C12orf54: variants seen among roughly 807,000 people sequenced by gnomAD.
C12orf54 encodes the protein chromosome 12 open reading frame 54, also known as uncharacterized protein C12orf54.
In C12orf54, 24 loss-of-function variants were observed where a neutral mutation model predicts 26.4. The observed-to-expected ratio is 0.91, with a 90% CI of 0.66 to 1.28. The LOEUF is 1.28. Ranked by LOEUF, C12orf54 falls within the 50% of genes most tolerant of loss-of-function variation. The probability of loss-of-function intolerance (pLI) is 0.00; values close to 1 mark genes in which losing one functional copy is unlikely to be tolerated. For synonymous variants in C12orf54, 54 were observed against 47.0 expected, an observed-to-expected ratio of 1.15 and a Z score of -0.61; for missense variants, 154 against 150.9, an observed-to-expected ratio of 1.02 and a Z score of -0.11.
intron 4 of C12orf54, 105 bp from the exon 5 acceptor site, chr12:48,488,819 C>T (rs1565571898): frequency 1.1e-6 from 1 of 928,180 alleles, no homozygotes; most frequent in Non-Finnish European, 1.7e-6. Flanking sequence ...CATTCTACAG[C>T]CTAGTGGCTA....
At chr12:48,418,808 T>TA in the C12orf54 span, among the ~76,000 whole-genome samples, 28 of 151,928 alleles carry the variant, frequency 1.8e-4, no homozygotes, top group Middle Eastern at 6.8e-3. Flanking sequence ...CACATGATGT[T>TA]AAAAAAAATT....
chr12:48,492,893 G>A, intron 6 of C12orf54, 54 bp from the exon 7 acceptor site: 1 of 1,509,784 alleles, frequency 6.6e-7, no homozygotes, highest in South Asian at 1.1e-5. Flanking sequence ...GGGCAGCTGG[G>A]GAGACATGTC....
the C12orf54 span, among the ~76,000 whole-genome samples, chr12:48,422,243 A>G: frequency 6.6e-6 from 1 of 152,226 alleles, no homozygotes; most frequent in Non-Finnish European, 1.5e-5. Context: ...TTGATGAATC[A>G]GGGAGCTGCT....
chr12:48,483,249 C>T lies in C12orf54; in HGVS notation c.-48C>T. The stretch of plus-strand genomic sequence containing the variant: ...ATTTATGCCTCTCCAGGGCCTGGAG[C>T]TATCTCCATCTTCAGCTCCAGAGTC... On this transcript the variant is annotated 5_prime_UTR_variant, in exon 2 of 9. Transcript: ENST00000548364. The T allele has an allele frequency of 6.4e-7, 1 of 1,553,652 alleles. No individual in the cohort carries two copies. Among genetic ancestry groups the T allele is most frequent in the African/African-American group, 1.4e-5 (1 of 73,806 alleles).
the C12orf54 span, among the ~76,000 whole-genome samples, chr12:48,450,827 A>T: frequency 6.6e-6 from 1 of 152,166 alleles, no homozygotes; most frequent in Non-Finnish European, 1.5e-5. Flanking sequence ...AAATTGAGGC[A>T]GTAATAAATA....
intron 2 of C12orf54, among the ~76,000 whole-genome samples, chr12:48,485,342 C>A (rs914068725): frequency 1.3e-5 from 2 of 152,114 alleles, no homozygotes; most frequent in Non-Finnish European, 2.9e-5. Context: ...GTTGCCCAAG[C>A]TGGTCTTGAA....
At chr12:48,471,007 T>C in the C12orf54 span, among the ~76,000 whole-genome samples, 1 of 152,118 alleles carries the variant, frequency 6.6e-6, no homozygotes, top group South Asian at 2.1e-4. Flanking sequence ...AAATGTACAA[T>C]TAAGTTATTT....
At chr12:48,489,836 C>G (rs1565572344) in intron 5 of C12orf54, among the ~76,000 whole-genome samples, 2 of 152,130 alleles carry the variant, frequency 1.3e-5, no homozygotes, top group East Asian at 3.9e-4. Flanking sequence ...ATTCTCCTGC[C>G]TCAGTCTCCT....
chr12:48,416,047 G>A, the C12orf54 span, among the ~76,000 whole-genome samples: 1 of 152,110 alleles, frequency 6.6e-6, no homozygotes, highest in East Asian at 1.9e-4. Context: ...GTAGCAGCAA[G>A]CCCTATAACT....
chr12:48,487,544 C>T (rs1472512393), intron 4 of C12orf54, among the ~76,000 whole-genome samples: 3 of 152,122 alleles, frequency 2.0e-5, no homozygotes, highest in Non-Finnish European at 4.4e-5. Context: ...CATGTTCTTA[C>T]AATTATTATA....
chr12:48,441,672 G>A, the C12orf54 span, among the ~76,000 whole-genome samples: 1 of 152,118 alleles, frequency 6.6e-6, no homozygotes, highest in African/African-American at 2.4e-5. Context: ...GAATGGTAGA[G>A]ATAAGCTGAG....
At chr12:48,472,595 C>T in the C12orf54 span, 928 of 1,571,018 alleles carry the variant, frequency 5.9e-4, 5 homozygotes, top group African/African-American at 8.1e-3. Context: ...TTCAAATGTG[C>T]GGTTGTGGGT....
the C12orf54 span, among the ~76,000 whole-genome samples, chr12:48,429,801 T>C: frequency 1.3e-4 from 20 of 151,876 alleles, 1 homozygote; most frequent in Admixed American, 1.3e-3. Flanking sequence ...TCTTCACAGA[T>C]TAGAAAAAAC....
At chr12:48,420,507 C>T in the C12orf54 span, among the ~76,000 whole-genome samples, 1 of 152,108 alleles carries the variant, frequency 6.6e-6, no homozygotes, top group African/African-American at 2.4e-5. Flanking sequence ...AGTTTTACAA[C>T]CCAGGGAATA....
chr12:48,495,076 G>A (rs568217971), intron 8 of C12orf54, 97 bp downstream of exon 8: 4 of 884,292 alleles, frequency 4.5e-6, no homozygotes, highest in Admixed American at 2.6e-5. Flanking sequence ...AACATGGCAG[G>A]GCAGCACCCC....
the C12orf54 span, among the ~76,000 whole-genome samples, chr12:48,437,615 C>A: frequency 4.5e-4 from 69 of 152,230 alleles, no homozygotes; most frequent in Non-Finnish European, 8.7e-4. Context: ...AATCAGTAAA[C>A]GTAATCCAGC....
chr12:48,422,837 T>G, the C12orf54 span, among the ~76,000 whole-genome samples: 1 of 152,250 alleles, frequency 6.6e-6, no homozygotes, highest in African/African-American at 2.4e-5. Context: ...GATACTCACA[T>G]GGAAGAATAA....
chr12:48,469,515 C>G, the C12orf54 span, among the ~76,000 whole-genome samples: 1 of 149,674 alleles, frequency 6.7e-6, no homozygotes, highest in African/African-American at 2.4e-5. Context: ...TCATATTATT[C>G]AAGCACACAT....
chr12:48,474,427 C>T, the C12orf54 span, among the ~76,000 whole-genome samples: 2 of 152,144 alleles, frequency 1.3e-5, no homozygotes, highest in South Asian at 4.1e-4. Flanking sequence ...AGTGCATGAC[C>T]CGAAGCAGGG....
Sources: gnomAD v4.1 joint callset for allele counts (sites outside exome capture counted in the v4.1 genomes callset) on GRCh38, gnomAD v4.1.1 for gene constraint, MANE v1.5 for transcripts, NCBI Gene and HGNC (gene_info 2026-07-23, HGNC 2026-07-21) for gene names.